The following HHIPL2 variants were observed in gnomAD, a reference collection of about 807,000 sequenced individuals.
HHIPL2 encodes HHIP like 2, also known as HHIP-like protein 2.
A neutral mutation model predicts 61.0 loss-of-function variants in HHIPL2; 61 were observed. That is an observed-to-expected ratio of 1.00 (90% CI 0.81 to 1.24). The LOEUF (loss-of-function observed/expected upper bound fraction) is 1.24. HHIPL2 is among the 50% of genes most tolerant of loss of function. HHIPL2 has a pLI of 0.00. For missense variants in HHIPL2, 885 were observed against 910.2 expected, an observed-to-expected ratio of 0.97 and a Z score of 0.36; for synonymous variants, 343 against 357.4, an observed-to-expected ratio of 0.96 and a Z score of 0.45.
intron 5 of HHIPL2, among the ~76,000 whole-genome samples, chr1:222,536,118 A>T (rs1351139456): frequency 2.6e-5 from 4 of 151,954 alleles, no homozygotes; most frequent in Non-Finnish European, 5.9e-5. Context: ...ATTAAATCCA[A>T]ATCAAGCAGA....
intron 2 of HHIPL2, among the ~76,000 whole-genome samples, chr1:222,542,772 C>T (rs1659461099): frequency 6.6e-6 from 1 of 152,064 alleles, no homozygotes; most frequent in African/African-American, 2.4e-5. Context: ...ATCCGCCCGC[C>T]TCAGCTTCCC....
intron 5 of HHIPL2, among the ~76,000 whole-genome samples, chr1:222,535,697 C>T (rs1465803129): frequency 6.6e-6 from 1 of 152,104 alleles, no homozygotes; most frequent in Non-Finnish European, 1.5e-5. Flanking sequence ...TCTATCTCTC[C>T]CATCTTCAAA....
Position 222,540,077 on chromosome 1 carries a change from G to A in HHIPL2, c.1383C>T (p.Asn461=), listed in dbSNP as rs1659397038. Reference sequence around the variant, plus strand: ...ACCCTTCCTTTGCTCTCCAGCCATAGTTTCCACCTTTCAAAATGAGGTCAA... The same window carrying A: ...ACCCTTCCTTTGCTCTCCAGCCATAATTTCCACCTTTCAAAATGAGGTCAA... ...EEVDLILKGG[N]YGWRAKEGFA... Residue 461 remains asparagine, a synonymous_variant, in exon 4 of 9, where the codon AAC becomes AAT. Coordinates refer to ENST00000343410, the MANE Select transcript of HHIPL2 (RefSeq NM_024746.4). 1 of 1,614,112 alleles carries A rather than the reference G, an allele frequency of 6.2e-7. No individual in the cohort carries two copies. Among genetic ancestry groups the A allele is most frequent in the African/African-American group, 1.3e-5 (1 of 74,936 alleles).
rs565127787 is a variant in HHIPL2 at position 222,533,017 on chromosome 1, T to C, written c.1578-906A>G. On this transcript the variant is annotated intron_variant, in intron 5 of 8. Coordinates refer to ENST00000343410, the MANE Select transcript of HHIPL2 (RefSeq NM_024746.4). ...CATCAGAATCACCTGGAAAGTTTTA[T>C]GGAAACAGAGATCCTAAACCCAGGG... is the stretch of plus-strand genomic sequence containing the variant. 3.3e-5 allele frequency among the ~76,000 whole-genome samples: 5 copies of C among 152,340 alleles called. No homozygotes were observed. The South Asian group carries it at 6.2e-4, about 19-fold the overall frequency.
At position 222,522,307 on chromosome 1, in the gene HHIPL2, C is replaced by A; in HGVS notation, c.*294G>T. On this transcript the variant is annotated 3_prime_UTR_variant, in exon 9 of 9. Transcript: ENST00000343410. ...TATTACCTCAGGTTGTAGGCATTTA[C>A]AAGACAAAACGGAGACATCCAGTGT... The A allele has an allele frequency of 2.4e-6, 1 of 413,768 alleles. No individual in the cohort carries two copies. The highest frequency in any genetic ancestry group is 4.3e-6 in the Non-Finnish European group (1 of 231,124). The allele number at this position is 413,768 out of a possible 1,614,324, so 25.6% of individuals were successfully genotyped here.
chr1:222,547,667 C>T, intron 1 of HHIPL2, 57 bp downstream of exon 1: 1 of 1,476,222 alleles, frequency 6.8e-7, no homozygotes, highest in Non-Finnish European at 9.4e-7. Context: ...CCGCTCAGGA[C>T]CCACACCATG....
At chr1:222,543,316 T>C (rs974597912) in intron 2 of HHIPL2, among the ~76,000 whole-genome samples, 2 of 152,194 alleles carry the variant, frequency 1.3e-5, no homozygotes, top group African/African-American at 2.4e-5. Context: ...GACAGGAAAG[T>C]ATGTCTTTAT....
At chr1:222,543,500 C>T (rs756383632) in intron 2 of HHIPL2, 37 bp downstream of exon 2, 2 of 1,561,238 alleles carry the variant, frequency 1.3e-6, no homozygotes, top group African/African-American at 2.7e-5. Context: ...TATTTCGGAA[C>T]ACAGTACAGC....
At chr1:222,532,544 G>A (rs1172135024) in intron 5 of HHIPL2, among the ~76,000 whole-genome samples, 1 of 151,952 alleles carries the variant, frequency 6.6e-6, no homozygotes, top group African/African-American at 2.4e-5. Flanking sequence ...AACCCAGGAC[G>A]TGGAGGTTGC....
chr1:222,526,541 A>G (rs906346503), intron 7 of HHIPL2, among the ~76,000 whole-genome samples: 4 of 152,004 alleles, frequency 2.6e-5, no homozygotes, highest in Non-Finnish European at 5.9e-5. Flanking sequence ...CCCCATCTCT[A>G]CTAAAAATAC....
rs1357137389 is a variant in HHIPL2 at position 222,538,748 on chromosome 1, C to T, written c.1477G>A (p.Gly493Ser). 6.2e-7 allele frequency: 1 copy of T among 1,614,126 alleles called. No homozygotes were observed. The highest frequency in any genetic ancestry group is 2.2e-5 in the East Asian group (1 of 44,878). The part of the protein sequence containing the change: ...LDDVLPIYAY[G>S]HAVGKSVTGG... ...GTGACTGACTTCCCCACTGCATGGCCATAAGCATAGATTGGCAGAACATCA... is the reference window on the plus strand; with the variant it reads ...GTGACTGACTTCCCCACTGCATGGCTATAAGCATAGATTGGCAGAACATCA... Residue 493 changes from glycine (G) to serine (S), a missense_variant, in exon 5 of 9, where the codon GGC becomes AGC. Gly to Ser is a moderately conservative substitution (Grantham distance 56, BLOSUM62 0). Transcript: ENST00000343410.
At chr1:222,523,882 G>C (rs747023892) in intron 7 of HHIPL2, among the ~76,000 whole-genome samples, 188 bp from the exon 8 acceptor site, 1 of 152,158 alleles carries the variant, frequency 6.6e-6, no homozygotes, top group Non-Finnish European at 1.5e-5. Context: ...AGACAGAACA[G>C]GGCTCCTCAG....
At chr1:222,522,967 T>A in intron 8 of HHIPL2, 80 bp from the exon 9 acceptor site, 1 of 1,136,698 alleles carries the variant, frequency 8.8e-7, no homozygotes, top group Non-Finnish European at 1.2e-6. Flanking sequence ...TGCATTATAG[T>A]TCTTTAATAT....
At chr1:222,526,667 T>C (rs1017860101) in intron 7 of HHIPL2, among the ~76,000 whole-genome samples, 4 of 139,788 alleles carry the variant, frequency 2.9e-5, no homozygotes, top group Non-Finnish European at 6.0e-5. Flanking sequence ...ATGGCACCAT[T>C]GCACTCCAGC....
rs144597197 is a variant in HHIPL2 at position 222,522,693 on chromosome 1, G to A, written c.2083C>T (p.Arg695Cys). 3,000 of 1,614,126 alleles carry A rather than the reference G, an allele frequency of 1.9e-3. 4 individuals are homozygous for A. The highest frequency in any genetic ancestry group is 2.4e-3 in the Non-Finnish European group (2,848 of 1,180,022). ...AGGCTCTTCCTCCTCTTGCCCTGGCGGACGTGGGGCCCCACTCTGGCTTTC... is the reference window on the plus strand; with the variant it reads ...AGGCTCTTCCTCCTCTTGCCCTGGCAGACGTGGGGCCCCACTCTGGCTTTC... Reference protein sequence around the residue: ...KKKARVGPHVRQGKRRKSLKS... With the variant: ...KKKARVGPHVCQGKRRKSLKS... Residue 695 changes from arginine to cysteine, a missense_variant, in exon 9 of 9, where the codon CGC (arginine) becomes TGC (cysteine). Coordinates refer to ENST00000343410, the MANE Select transcript of HHIPL2 (RefSeq NM_024746.4).
intron 6 of HHIPL2, among the ~76,000 whole-genome samples, chr1:222,531,566 G>A (rs758938597): frequency 7.2e-5 from 11 of 151,936 alleles, no homozygotes; most frequent in Admixed American, 1.3e-4. Context: ...CGGCCAACAC[G>A]GCAAAACCCC....
chr1:222,522,625 C>T lies in HHIPL2; in HGVS notation c.2151G>A (p.Lys717=), dbSNP rs754096984. ...GTCAAGGGAGACTTCTGCCAGCTCG[C>T]TTCTGCTCTGCTGATGGCCTCATCC... The part of the protein sequence containing the change: ...SGRMRPSAEQ[K]RAGRSLP Residue 717 remains lysine (K), a synonymous_variant, in exon 9 of 9, where the codon AAG becomes AAA. Transcript: ENST00000343410. The T allele has an allele frequency of 1.2e-6, 2 of 1,613,784 alleles. No homozygotes were observed. The highest frequency in any genetic ancestry group is 3.3e-5 in the Admixed American group (2 of 60,024).
chr1:222,532,745 A>C (rs971002828), intron 5 of HHIPL2, among the ~76,000 whole-genome samples: 1 of 152,182 alleles, frequency 6.6e-6, no homozygotes, highest in East Asian at 1.9e-4. Flanking sequence ...CTCATCCATA[A>C]AATGGGGAGT....
At chr1:222,539,972 A>T in intron 4 of HHIPL2, 38 bp downstream of exon 4, 1 of 1,561,180 alleles carries the variant, frequency 6.4e-7, no homozygotes, top group Non-Finnish European at 8.8e-7. Context: ...AGCCCACTCA[A>T]CTCATCCAAG....
Sources: gnomAD v4.1 joint callset for allele counts (sites outside exome capture counted in the v4.1 genomes callset) on GRCh38, gnomAD v4.1.1 for gene constraint, MANE v1.5 for transcripts, NCBI Gene and HGNC (gene_info 2026-07-23, HGNC 2026-07-21) for gene names.